CAMK4: variants seen among roughly 807,000 people sequenced by gnomAD.
CAMK4 encodes calcium/calmodulin dependent protein kinase IV.
CAMK4 carries 22 observed loss-of-function variants against 44.9 expected under a neutral mutation model. The ratio of observed to expected loss-of-function variants is 0.49; its 90% confidence interval spans 0.35 to 0.70. The LOEUF (loss-of-function observed/expected upper bound fraction) is 0.70. Ranked by LOEUF, CAMK4 falls within the 30% of genes least tolerant of loss-of-function variation. CAMK4 has a pLI of 0.01. For synonymous variants in CAMK4, 218 were observed against 215.4 expected (o/e 1.01, Z -0.11); for missense variants, 498 against 586.8 (o/e 0.85, Z 1.56).
At position 111,487,045 on chromosome 5, in the gene CAMK4, A is replaced by C. The variant is rs1755657322; in HGVS notation, c.*2579A>C. 6.6e-6 allele frequency: 1 copy of C among 152,228 alleles called. No homozygotes were observed. Among genetic ancestry groups the C allele is most frequent in the Non-Finnish European group, 1.5e-5 (1 of 68,030 alleles). 9.4% of individuals were successfully genotyped at this position (152,228 alleles called of 1,614,324 possible). ...ATCCTAAGTTAGGATAATTATGTTAACATTTTTGAAAGAACAGCCAATGTT... is the reference window on the plus strand; with the variant it reads ...ATCCTAAGTTAGGATAATTATGTTACCATTTTTGAAAGAACAGCCAATGTT... On this transcript the variant is annotated 3_prime_UTR_variant, in exon 11 of 11. Coordinates refer to ENST00000282356, the MANE Select transcript of CAMK4 (RefSeq NM_001744.6).
chr5:111,314,192 T>C (rs1748327215), intron 1 of CAMK4, among the ~76,000 whole-genome samples: 1 of 152,110 alleles, frequency 6.6e-6, no homozygotes, highest in South Asian at 2.1e-4. Flanking sequence ...TATAGGATTT[T>C]GTTAGTCTTA....
chr5:111,384,890 C>G (rs1751543464), intron 4 of CAMK4, among the ~76,000 whole-genome samples: 1 of 151,670 alleles, frequency 6.6e-6, no homozygotes, highest in Non-Finnish European at 1.5e-5. Flanking sequence ...TTAAACATGA[C>G]AAAAAAAAGC....
intron 2 of CAMK4, among the ~76,000 whole-genome samples, chr5:111,370,931 A>ACAAAAG (rs1198126510): frequency 2.0e-5 from 3 of 151,372 alleles, no homozygotes; most frequent in Non-Finnish European, 2.9e-5. Context: ...AAAAACAAAA[A>ACAAAAG]CAACGTGTAT....
intron 5 of CAMK4, among the ~76,000 whole-genome samples, chr5:111,406,942 A>G (rs1752455289): frequency 6.6e-6 from 1 of 152,216 alleles, no homozygotes; most frequent in Admixed American, 6.5e-5. Flanking sequence ...TTAATTCAGC[A>G]GCTATTCTGT....
intron 1 of CAMK4, among the ~76,000 whole-genome samples, chr5:111,298,855 C>T (rs1215612518): frequency 1.3e-5 from 2 of 152,236 alleles, no homozygotes; most frequent in Admixed American, 6.5e-5. Flanking sequence ...AATGTTGTAC[C>T]TTTATCCCTG....
intron 2 of CAMK4, among the ~76,000 whole-genome samples, chr5:111,357,358 A>C (rs1750406804): frequency 6.6e-6 from 1 of 152,128 alleles, no homozygotes. Context: ...AATGGACCAC[A>C]ACCAGGAGAG....
At chr5:111,422,498 C>T (rs988590417) in intron 5 of CAMK4, among the ~76,000 whole-genome samples, 1 of 152,184 alleles carries the variant, frequency 6.6e-6, no homozygotes, top group Admixed American at 6.5e-5. Flanking sequence ...CTATAGAAGT[C>T]TTCTTAGCCT....
chr5:111,368,152 G>A (rs73214498), intron 2 of CAMK4, among the ~76,000 whole-genome samples: 1 of 151,980 alleles, frequency 6.6e-6, no homozygotes, highest in African/African-American at 2.4e-5. Flanking sequence ...AAGGTATTTT[G>A]TAGATACTAA....
chr5:111,396,271 A>G (rs1481293289), intron 5 of CAMK4, among the ~76,000 whole-genome samples: 1 of 152,184 alleles, frequency 6.6e-6, no homozygotes, highest in African/African-American at 2.4e-5. Flanking sequence ...TCTTTTTGCT[A>G]TGGTGAGGGA....
At chr5:111,247,761 C>T (rs1749305442) in intron 1 of CAMK4, among the ~76,000 whole-genome samples, 1 of 152,044 alleles carries the variant, frequency 6.6e-6, no homozygotes, top group African/African-American at 2.4e-5. Context: ...CTAATTGTAG[C>T]CGTTAACTGT....
chr5:111,298,585 A>G (rs1383061394), intron 1 of CAMK4, among the ~76,000 whole-genome samples: 1 of 152,134 alleles, frequency 6.6e-6, no homozygotes, highest in Non-Finnish European at 1.5e-5. Context: ...GGGAGCCACT[A>G]TGCTCTTGGT....
rs201179692 is a variant in CAMK4, at chr5:111,477,036, A to AAC, written c.702-1345_702-1344insAC. 4.2e-3 allele frequency among the ~76,000 whole-genome samples: 638 copies of AAC among 152,338 alleles called. 1 individual carries two copies. Among genetic ancestry groups the AAC allele is most frequent in the Admixed American group, 7.6e-3 (116 of 15,300 alleles). On this transcript the variant is annotated intron_variant, in intron 8 of 10. Coordinates refer to ENST00000282356, the MANE Select transcript of CAMK4 (RefSeq NM_001744.6). ...GCTCATTTCTCCATGACTAACTGCA[A>AAC]CAGGCCATAGGTTTCTAGTGTTGTG...
At chr5:111,456,240 G>A (rs370248287) in intron 7 of CAMK4, among the ~76,000 whole-genome samples, 6 of 151,874 alleles carry the variant, frequency 4.0e-5, no homozygotes, top group African/African-American at 9.7e-5. Context: ...GGTGGCTCAC[G>A]ACTGTAATCC....
At chr5:111,479,021 TG>T (rs538784231) in intron 9 of CAMK4, among the ~76,000 whole-genome samples, 10 of 152,196 alleles carry the variant, frequency 6.6e-5, no homozygotes, top group African/African-American at 2.4e-4. Flanking sequence ...GGGACACAGG[TG>T]CATGCCACCA....
chr5:111,471,189 A>C (rs1171844714), intron 7 of CAMK4, among the ~76,000 whole-genome samples: 1 of 152,198 alleles, frequency 6.6e-6, no homozygotes, highest in Non-Finnish European at 1.5e-5. Flanking sequence ...ATCTGGATGC[A>C]ACAGTGTTGT....
At chr5:111,282,869 C>G (rs1189161809) in intron 1 of CAMK4, 2 of 152,180 alleles carry the variant, frequency 1.3e-5, no homozygotes, top group African/African-American at 4.8e-5. Context: ...CCTAGCCTGC[C>G]TTAAATGTGC....
At chr5:111,373,463 T>C (rs541417483) in intron 2 of CAMK4, among the ~76,000 whole-genome samples, 8 of 152,258 alleles carry the variant, frequency 5.3e-5, no homozygotes, top group Middle Eastern at 3.4e-3. Context: ...AAAGAACATA[T>C]AAAGTTGGAA....
chr5:111,467,540 G>A (rs1754885421), intron 7 of CAMK4, among the ~76,000 whole-genome samples: 1 of 152,058 alleles, frequency 6.6e-6, no homozygotes, highest in Non-Finnish European at 1.5e-5. Context: ...AGTGGACTAA[G>A]GACATGAATG....
chr5:111,425,964 A>G (rs1580736416), intron 5 of CAMK4, among the ~76,000 whole-genome samples: 1 of 152,330 alleles, frequency 6.6e-6, no homozygotes, highest in East Asian at 1.9e-4. Flanking sequence ...ATAGTGTGAT[A>G]CTGTATGGAG....
Sources: allele counts gnomAD v4.1 joint callset (sites outside exome capture counted in the v4.1 genomes callset), GRCh38; gene constraint gnomAD v4.1.1; transcripts MANE v1.5; gene names NCBI Gene and HGNC (gene_info 2026-07-23, HGNC 2026-07-21).